Variants in MANBA observed in about 807,000 individuals in gnomAD.
The protein encoded by MANBA is mannosidase beta.
MANBA carries 83 observed loss-of-function variants against 111.1 expected under a neutral mutation model. The observed-to-expected ratio is 0.75, with a 90% CI of 0.63 to 0.90. The LOEUF is 0.90. Ranked by LOEUF, MANBA falls within the 40% of genes least tolerant of loss-of-function variation. The pLI, the probability that MANBA is intolerant of heterozygous loss-of-function variation, is 0.00. For missense variants in MANBA, 1,036 were observed against 1,069.0 expected (o/e 0.97, Z 0.43); for synonymous variants, 370 against 378.7 (o/e 0.98, Z 0.27).
At chr4:102,702,030 C>A (rs1733076296) in intron 5 of MANBA, among the ~76,000 whole-genome samples, 1 of 152,082 alleles carries the variant, frequency 6.6e-6, no homozygotes, top group Non-Finnish European at 1.5e-5. Flanking sequence ...TTCACATAGT[C>A]CCATATTTCT....
At chr4:102,660,482 A>G (rs945177603) in intron 11 of MANBA, among the ~76,000 whole-genome samples, 1 of 152,174 alleles carries the variant, frequency 6.6e-6, no homozygotes, top group South Asian at 2.1e-4. Context: ...AATTGTTAAA[A>G]GACAGAATGT....
chr4:102,684,638 C>T (rs990423960), intron 7 of MANBA, among the ~76,000 whole-genome samples: 13 of 152,114 alleles, frequency 8.5e-5, no homozygotes, highest in South Asian at 2.1e-4. Flanking sequence ...AAACAGCAGT[C>T]CCCCCTTATC....
intron 5 of MANBA, among the ~76,000 whole-genome samples, chr4:102,694,203 T>C (rs1732606735): frequency 6.6e-6 from 1 of 152,094 alleles, no homozygotes; most frequent in Admixed American, 6.6e-5. Context: ...AACTACTAAA[T>C]GAAAAAACTA....
intron 1 of MANBA, chr4:102,727,423 T>C (rs1722852068): frequency 2.6e-6 from 3 of 1,140,668 alleles, no homozygotes; most frequent in Middle Eastern, 2.0e-4. Context: ...GGAGATGAGC[T>C]TGGTATAGGC....
At chr4:102,681,998 T>A (rs571141063) in intron 7 of MANBA, among the ~76,000 whole-genome samples, 64 of 151,784 alleles carry the variant, frequency 4.2e-4, no homozygotes, top group Non-Finnish European at 9.0e-4. Context: ...AATACAAAAA[T>A]TAGCCGGGCA....
intron 13 of MANBA, among the ~76,000 whole-genome samples, chr4:102,647,676 C>T (rs1434920041): frequency 6.6e-6 from 1 of 151,996 alleles, no homozygotes; most frequent in Non-Finnish European, 1.5e-5. Flanking sequence ...GGGACAGATA[C>T]CAACATTGCC....
chr4:102,715,500 T>C (rs1722284427), intron 4 of MANBA, among the ~76,000 whole-genome samples: 2 of 152,236 alleles, frequency 1.3e-5, no homozygotes, highest in Admixed American at 1.3e-4. Context: ...TATTTTCTTT[T>C]TTTAACTTTT....
Position 102,664,825 on chromosome 4 carries a change from T to C in MANBA, c.1345A>G (p.Ile449Val), listed in dbSNP as rs1333302072. ...QIKRLKSHPSIIIWSGNNENE... is the reference protein window; with the variant it reads ...QIKRLKSHPSVIIWSGNNENE... ...TCATTATTGCCACTCCATATGATGA[T>C]AGAAGGATGAGATTTCAGTCTCTTG... The change falls in exon 11 of 17, where the codon ATC becomes GTC. Residue 449 changes from isoleucine (I) to valine (V), a missense_variant. Transcript: ENST00000647097. The C allele has an allele frequency of 1.1e-5, 18 of 1,607,680 alleles. No individual in the cohort carries two copies. Among genetic ancestry groups the C allele is most frequent in the Non-Finnish European group, 1.5e-5 (18 of 1,174,096 alleles).
intron 1 of MANBA, among the ~76,000 whole-genome samples, chr4:102,741,720 C>CT (rs1723410598): frequency 6.6e-6 from 1 of 152,102 alleles, no homozygotes; most frequent in African/African-American, 2.4e-5. Context: ...GGGACCTAAG[C>CT]TATGAGGATG....
chr4:102,706,084 G>A (rs912174289), intron 5 of MANBA, among the ~76,000 whole-genome samples: 35 of 152,082 alleles, frequency 2.3e-4, no homozygotes, highest in African/African-American at 8.2e-4. Flanking sequence ...CAGCCATCCA[G>A]ACCAGTGGTC....
intron 1 of MANBA, among the ~76,000 whole-genome samples, chr4:102,741,226 C>G (rs1723391671): frequency 6.6e-6 from 1 of 151,896 alleles, no homozygotes; most frequent in South Asian, 2.1e-4. Context: ...AAATGGAAAT[C>G]AAAACCACAA....
chr4:102,760,185 C>T (rs1351976702), intron 1 of MANBA, among the ~76,000 whole-genome samples: 2 of 152,210 alleles, frequency 1.3e-5, no homozygotes, highest in Non-Finnish European at 2.9e-5. Context: ...GTTAGCCACA[C>T]TAGCACTGAC....
At chr4:102,656,377 T>G (rs1426222526) in intron 12 of MANBA, among the ~76,000 whole-genome samples, 3 of 152,124 alleles carry the variant, frequency 2.0e-5, no homozygotes, top group Non-Finnish European at 4.4e-5. Context: ...ATATGCAAAT[T>G]TCCTGTAAAT....
At chr4:102,702,322 G>T (rs1208677292) in intron 5 of MANBA, among the ~76,000 whole-genome samples, 2 of 151,706 alleles carry the variant, frequency 1.3e-5, no homozygotes, top group African/African-American at 4.9e-5. Flanking sequence ...CCTGTAGCTC[G>T]TAGTTTGATC....
At chr4:102,654,813 A>G (rs1040663243) in intron 12 of MANBA, among the ~76,000 whole-genome samples, 2 of 152,204 alleles carry the variant, frequency 1.3e-5, no homozygotes, top group Admixed American at 6.5e-5. Flanking sequence ...CTCATTTTCT[A>G]CATTGTATGA....
In MANBA at chr4:102,698,297, T is replaced by G. The variant is rs570927023; in HGVS notation, c.674-7526A>C. On this transcript the variant is annotated intron_variant, in intron 5 of 16. Transcript: ENST00000647097. Reference sequence around the variant, plus strand: ...GTAGGTTGTGAAAATTTTCTCCCATTTTGTGGGTTGCCTGTTCACTCTGAT... The same window carrying G: ...GTAGGTTGTGAAAATTTTCTCCCATGTTGTGGGTTGCCTGTTCACTCTGAT... 2.0e-5 allele frequency among the ~76,000 whole-genome samples: 3 copies of G among 152,042 alleles called. No homozygotes were observed. The East Asian group carries it at 5.8e-4, about 29-fold the overall frequency.
In MANBA at chr4:102,723,846, G is replaced by A. The variant is rs778641918; in HGVS notation, c.378+16C>T. The A allele has an allele frequency of 3.5e-6, 5 of 1,438,406 alleles. No individual in the cohort carries two copies. The highest frequency in any genetic ancestry group is 2.4e-5 in the South Asian group (2 of 84,524). The allele number at this position is 1,438,406 out of a possible 1,614,324, so 89.1% of individuals were successfully genotyped here. A position where few individuals can be genotyped will look rare whatever the true frequency, so the allele number is the denominator to read the frequency against. ...ACACATAAATTTTTTTTAACCTAATGTCATTATATACTTACATATCTATTG... is the reference window on the plus strand; with the variant it reads ...ACACATAAATTTTTTTTAACCTAATATCATTATATACTTACATATCTATTG... On this transcript the variant is annotated intron_variant, in intron 3 of 16. Transcript: ENST00000647097.
intron 1 of MANBA, chr4:102,730,410 T>C: frequency 2.1e-6 from 1 of 470,818 alleles, no homozygotes; most frequent in Non-Finnish European, 3.9e-6. Context: ...CTGTGGCACC[T>C]AGATAAGGGT....
chr4:102,675,816 C>G lies in MANBA; in HGVS notation c.961-1746G>C, dbSNP rs553115853. ...GGTGAAATCCTATCTCTACTAAATACAAAAATTAGCTGGGTGTGGTGGTGC... is the reference window on the plus strand; with the variant it reads ...GGTGAAATCCTATCTCTACTAAATAGAAAAATTAGCTGGGTGTGGTGGTGC... On this transcript the variant is annotated intron_variant, in intron 7 of 16. Coordinates refer to ENST00000647097, the MANE Select transcript of MANBA (RefSeq NM_005908.4). Among the ~76,000 whole-genome samples the G allele has an allele frequency of 3.9e-5, 6 of 152,032 alleles. No homozygotes were observed. The South Asian group carries it at 1.2e-3, about 32-fold the overall frequency.
Sources: allele counts gnomAD v4.1 joint callset (sites outside exome capture counted in the v4.1 genomes callset), GRCh38; gene constraint gnomAD v4.1.1; transcripts MANE v1.5; gene names NCBI Gene and HGNC (gene_info 2026-07-23, HGNC 2026-07-21).